Variants in SSBP2 observed in about 807,000 individuals in gnomAD.
SSBP2 encodes the protein single stranded DNA binding protein 2.
SSBP2 carries 17 observed loss-of-function variants against 61.8 expected under a neutral mutation model. The observed-to-expected ratio is 0.28, with a 90% CI of 0.19 to 0.41. SSBP2 has a LOEUF of 0.41. Ranked by LOEUF, SSBP2 falls within the 10% of genes least tolerant of loss-of-function variation. The pLI is 1.00. For missense variants in SSBP2, 310 were observed against 458.7 expected (o/e 0.68, Z 2.96); for synonymous variants, 139 against 141.3 (o/e 0.98, Z 0.12).
At chr5:81,635,084 G>A (rs893925585) in intron 3 of SSBP2, among the ~76,000 whole-genome samples, 1 of 152,190 alleles carries the variant, frequency 6.6e-6, no homozygotes, top group Non-Finnish European at 1.5e-5. Context: ...TTTGTTGAGA[G>A]AATGCAATAA....
chr5:81,603,269 T>G (rs1472311710), intron 4 of SSBP2, among the ~76,000 whole-genome samples: 1 of 152,172 alleles, frequency 6.6e-6, no homozygotes, highest in African/African-American at 2.4e-5. Context: ...CTCAGATGAT[T>G]AGAAGGCTAG....
At chr5:81,625,365 A>G (rs1243949488) in intron 3 of SSBP2, among the ~76,000 whole-genome samples, 1 of 152,072 alleles carries the variant, frequency 6.6e-6, no homozygotes, top group African/African-American at 2.4e-5. Context: ...CCCCTCTACA[A>G]CCTGAGATGC....
At chr5:81,437,814 A>G (rs1274792848) in intron 14 of SSBP2, 3 of 153,856 alleles carry the variant, frequency 1.9e-5, no homozygotes, top group African/African-American at 7.2e-5. Flanking sequence ...AGATATCTAC[A>G]TATATTTTTT....
At position 81,536,817 on chromosome 5, in the gene SSBP2, C is replaced by A. The variant is rs991023848; in HGVS notation, c.283-23100G>T. On this transcript the variant is annotated intron_variant, in intron 4 of 16. Transcript: ENST00000320672. ...AGGGCGGATCATGAGGTCAGGAAAT[C>A]AAGACCATCCTGGCTAACATGGTGA... 5.1e-4 allele frequency among the ~76,000 whole-genome samples: 77 copies of A among 151,978 alleles called. 1 individual carries two copies. The highest frequency in any genetic ancestry group is 1.5e-3 in the African/African-American group (63 of 41,356).
intron 15 of SSBP2, among the ~76,000 whole-genome samples, chr5:81,429,006 GC>G (rs200815702): frequency 0.034 from 5,114 of 148,704 alleles, 278 homozygotes; most frequent in African/African-American, 0.12. Context: ...AACATTCCCA[GC>G]AGGGGCATGA....
chr5:81,474,597 T>C (rs1197939098), intron 6 of SSBP2, 35 bp from the exon 7 acceptor site: 1 of 1,460,860 alleles, frequency 6.8e-7, no homozygotes, highest in Admixed American at 2.1e-5. Context: ...AGAGCAATAT[T>C]GTAAATATTT....
At chr5:81,516,216 C>T (rs1769009455) in intron 4 of SSBP2, among the ~76,000 whole-genome samples, 1 of 151,962 alleles carries the variant, frequency 6.6e-6, no homozygotes, top group African/African-American at 2.4e-5. Flanking sequence ...AACTGATTTC[C>T]CTTCCTACAT....
Position 81,493,270 on chromosome 5 carries a change from A to T in SSBP2, c.373-3961T>A, listed in dbSNP as rs182593499. Among the ~76,000 whole-genome samples, 1,012 of 151,406 alleles carry T rather than the reference A, an allele frequency of 6.7e-3. 7 individuals are homozygous for T. The highest frequency in any genetic ancestry group is 0.023 in the African/African-American group (931 of 41,164). ...ACAAAACAGATAGATAGATAGATAG[A>T]TAGATAGATAGATAGATAGATAGAT... On this transcript the variant is annotated intron_variant, in intron 5 of 16. Coordinates refer to ENST00000320672, the MANE Select transcript of SSBP2 (RefSeq NM_012446.5).
chr5:81,682,443 T>C (rs1189644850), intron 1 of SSBP2, among the ~76,000 whole-genome samples: 2 of 152,266 alleles, frequency 1.3e-5, no homozygotes, highest in East Asian at 1.9e-4. Context: ...TACAATTACA[T>C]CCATACATGT....
chr5:81,654,530 C>T (rs1160208710), intron 1 of SSBP2, among the ~76,000 whole-genome samples: 4 of 152,102 alleles, frequency 2.6e-5, no homozygotes, highest in Non-Finnish European at 5.9e-5. Context: ...ACTATCTCTC[C>T]CACATTTGCC....
chr5:81,622,029 C>T (rs568443971), intron 3 of SSBP2, among the ~76,000 whole-genome samples: 251 of 146,224 alleles, frequency 1.7e-3, no homozygotes, highest in Non-Finnish European at 3.2e-3. Context: ...GTGGGTGCAG[C>T]GCAGCAGCAT....
chr5:81,714,731 C>A (rs990618486), intron 1 of SSBP2, among the ~76,000 whole-genome samples: 2 of 152,170 alleles, frequency 1.3e-5, no homozygotes, highest in African/African-American at 4.8e-5. Context: ...CCTTCAACCA[C>A]TTTTTGATGG....
At chr5:81,593,800 T>C (rs954829289) in intron 4 of SSBP2, among the ~76,000 whole-genome samples, 14 of 152,118 alleles carry the variant, frequency 9.2e-5, no homozygotes, top group Middle Eastern at 3.2e-3. Context: ...CTGAGAGATT[T>C]TGTCACCACC....
intron 2 of SSBP2, among the ~76,000 whole-genome samples, chr5:81,638,108 TG>T (rs1748410095): frequency 2.2e-5 from 1 of 46,082 alleles, no homozygotes; most frequent in African/African-American, 9.0e-5. Context: ...TGTTGTGGGG[TG>T]GGGGGAGGGG....
intron 2 of SSBP2, 136 bp from the exon 3 acceptor site, chr5:81,636,754 G>C: frequency 1.4e-6 from 1 of 716,644 alleles, no homozygotes; most frequent in South Asian, 2.4e-5. Context: ...TTTTACCCAA[G>C]TTTTGCAAGT....
chr5:81,582,933 A>G (rs1240078872), intron 4 of SSBP2, among the ~76,000 whole-genome samples: 1 of 152,160 alleles, frequency 6.6e-6, no homozygotes, highest in Non-Finnish European at 1.5e-5. Flanking sequence ...TAAAATATAA[A>G]TAACAGGCCA....
At chr5:81,437,266 G>C (rs1762732377) in intron 15 of SSBP2, among the ~76,000 whole-genome samples, 164 bp downstream of exon 15, 1 of 151,988 alleles carries the variant, frequency 6.6e-6, no homozygotes, top group African/African-American at 2.4e-5. Context: ...CTTTCCCACA[G>C]ATAATATGCA....
At chr5:81,719,178 A>G (rs1356772239) in intron 1 of SSBP2, among the ~76,000 whole-genome samples, 1 of 152,056 alleles carries the variant, frequency 6.6e-6, no homozygotes, top group Non-Finnish European at 1.5e-5. Context: ...ATGACAATAA[A>G]CTCCTGCTAC....
At position 81,445,143 on chromosome 5, in the gene SSBP2, T is replaced by TAC. The variant is rs1422743340; in HGVS notation, c.778+1724_778+1725insGT. Among the ~76,000 whole-genome samples, 16 of 48,912 alleles carry TAC rather than the reference T, an allele frequency of 3.3e-4. 1 individual carries two copies. The highest frequency in any genetic ancestry group is 1.6e-3 in the African/African-American group (16 of 10,010). 32.1% of individuals were successfully genotyped at this position (48,912 alleles called of 152,430 possible). A position where few individuals can be genotyped will look rare whatever the true frequency, so the allele number is the denominator to read the frequency against. On this transcript the variant is annotated intron_variant, in intron 12 of 16. Transcript: ENST00000320672. Reference sequence around the variant, plus strand: ...CAGCAAAGAAAAAAAAAATTTTATATATATATATATATATATATATATATA... The same window carrying TAC: ...CAGCAAAGAAAAAAAAAATTTTATATACATATATATATATATATATATATATA...
Sources: allele counts gnomAD v4.1 joint callset (sites outside exome capture counted in the v4.1 genomes callset), GRCh38; gene constraint gnomAD v4.1.1; transcripts MANE v1.5; gene names NCBI Gene and HGNC (gene_info 2026-07-23, HGNC 2026-07-21).